Variants in TCN2 observed in about 807,000 individuals in gnomAD.
TCN2 encodes transcobalamin 2.
Under a neutral mutation model 48.6 loss-of-function variants are expected in TCN2, and 34 were observed. The observed-to-expected ratio is 0.70, with a 90% confidence interval of 0.53 to 0.93. The LOEUF is 0.93. Ranked by LOEUF, TCN2 falls within the 40% of genes least tolerant of loss-of-function variation. TCN2 has a pLI of 0.00. For missense variants in TCN2, 652 were observed against 526.1 expected (o/e 1.24, Z -2.34); for synonymous variants, 283 against 212.5 (o/e 1.33, Z -2.89).
chr22:30,611,349 G>C (rs961078094), intron 2 of TCN2, among the ~76,000 whole-genome samples: 2 of 152,174 alleles, frequency 1.3e-5, no homozygotes, highest in Admixed American at 6.5e-5. Flanking sequence ...AGCAGCATCT[G>C]ACTCTATGCT....
intron 7 of TCN2, among the ~76,000 whole-genome samples, 174 bp from the exon 8 acceptor site, chr22:30,622,794 G>A (rs1336870680): frequency 6.6e-6 from 1 of 152,166 alleles, no homozygotes; most frequent in East Asian, 1.9e-4. Flanking sequence ...GGGTCTGGAG[G>A]GGAAGGAGGT....
rs371761297 is a variant in TCN2 at position 30,614,334 on chromosome 22, T to G, written c.428-15T>G. On this transcript the variant is annotated splice_polypyrimidine_tract_variant and intron_variant, in intron 3 of 8. Coordinates refer to ENST00000215838, the MANE Select transcript of TCN2 (RefSeq NM_000355.4). ...GGGGGCAGAGAGGCAACCCCTCTGT[T>G]TTTTTCCCTCTCAGGGCATGATCAC... 2 of 1,613,956 alleles carry G rather than the reference T, an allele frequency of 1.2e-6. No individual in the cohort carries two copies. Among genetic ancestry groups the G allele is most frequent in the East Asian group, 4.5e-5 (2 of 44,858 alleles).
Position 30,615,308 on chromosome 22 carries a change from A to G in TCN2, c.588A>G (p.Ala196=), listed in dbSNP as rs2087595654. ...TCTGTCCCCCACTTCAAGACACAGCAGCCATGGCAGGCTTGGCATTCACCT... is the reference window on the plus strand; with the variant it reads ...TCTGTCCCCCACTTCAAGACACAGCGGCCATGGCAGGCTTGGCATTCACCT... ...FHQGHHSVDT[A]AMAGLAFTCL... The change falls in exon 5 of 9, where the codon GCA becomes GCG. Residue 196 remains alanine, a synonymous_variant. Coordinates refer to ENST00000215838, the MANE Select transcript of TCN2 (RefSeq NM_000355.4). 3 of 1,614,194 alleles carry G rather than the reference A, an allele frequency of 1.9e-6. No individual in the cohort carries two copies. Among genetic ancestry groups the G allele is most frequent in the South Asian group, 1.1e-5 (1 of 91,084 alleles).
At position 30,612,925 on chromosome 22, in the gene TCN2, C is replaced by T; in HGVS notation, c.310C>T (p.Gln104Ter). The change falls in exon 3 of 9, where the codon CAG (glutamine) becomes TAG (stop). Residue 104 changes from glutamine to a stop codon, truncating the protein, a stop_gained. Transcript: ENST00000215838. LOFTEE classifies it high-confidence loss of function. The part of the protein sequence containing the change: ...GDCQGKPSMG[Q>*]LALYLLALRA... The stretch of plus-strand genomic sequence containing the variant: ...CTGCCAGGGCAAGCCTTCCATGGGC[C>T]AGCTGGCCCTCTACCTGCTCGCTCT... 2 of 1,614,162 alleles carry T rather than the reference C, an allele frequency of 1.2e-6. No individual in the cohort carries two copies. The highest frequency in any genetic ancestry group is 1.7e-6 in the Non-Finnish European group (2 of 1,180,030).
rs759762355 is a variant in TCN2, at chr22:30,615,373, G to A, written c.653G>A (p.Arg218Gln). 4.5e-5 allele frequency: 73 copies of A among 1,614,046 alleles called. No individual in the cohort carries two copies. Among genetic ancestry groups the A allele is most frequent in the Middle Eastern group, 1.6e-4 (1 of 6,084 alleles). ...RSNFNPGRRQ[R>Q]ITMAIRTVRE... ...AACTTCAACCCTGGTCGGAGACAAC[G>A]GATCACCATGGCCATCAGAACAGTG... Residue 218 changes from arginine (R) to glutamine (Q), a missense_variant, in exon 5 of 9, where the codon CGG (arginine) becomes CAG (glutamine). Transcript: ENST00000215838.
Position 30,626,413 on chromosome 22 carries a change from C to T in TCN2, c.1223-47C>T, listed in dbSNP as rs370326675. ...GTCTGGAAGATGAGGTTGCGGGGTG[C>T]GATATTCTGCCCAATTCGCCCCTCC... On this transcript the variant is annotated intron_variant, in intron 8 of 8. Transcript: ENST00000215838. The T allele has an allele frequency of 4.9e-5, 78 of 1,599,296 alleles. 1 individual carries two copies. Among genetic ancestry groups the T allele is most frequent in the South Asian group, 4.6e-4 (42 of 90,648 alleles).
rs1440522853 is a variant in TCN2 at position 30,626,889 on chromosome 22, C to T, written c.*368C>T. 3 of 369,020 alleles carry T rather than the reference C, an allele frequency of 8.1e-6. No individual in the cohort carries two copies. Among genetic ancestry groups the T allele is most frequent in the Non-Finnish European group, 1.6e-5 (3 of 192,210 alleles). 22.9% of individuals were successfully genotyped at this position (369,020 alleles called of 1,614,324 possible). Reference sequence around the variant, plus strand: ...GACCACTCGTTCTGTGGTTGGGGTCCTGCAAGAAGGCCTCCTCAGCCCGGG... The same window carrying T: ...GACCACTCGTTCTGTGGTTGGGGTCTTGCAAGAAGGCCTCCTCAGCCCGGG... On this transcript the variant is annotated 3_prime_UTR_variant, in exon 9 of 9. Coordinates refer to ENST00000215838, the MANE Select transcript of TCN2 (RefSeq NM_000355.4).
chr22:30,617,521 A>T (rs758419174), intron 7 of TCN2, 26 bp downstream of exon 7: 2 of 1,613,746 alleles, frequency 1.2e-6, no homozygotes, highest in South Asian at 2.2e-5. Flanking sequence ...CCCAGTCCTC[A>T]CCCCACCCAA....
intron 7 of TCN2, among the ~76,000 whole-genome samples, chr22:30,618,642 T>G (rs887731061): frequency 7.9e-5 from 12 of 152,260 alleles, no homozygotes; most frequent in Middle Eastern, 3.4e-3. Flanking sequence ...TGGGCCTCCG[T>G]GCCCGGCCAT....
Position 30,615,711 on chromosome 22 carries a change from G to A in TCN2, c.864G>A (p.Met288Ile). The A allele has an allele frequency of 6.2e-7, 1 of 1,614,222 alleles. No homozygotes were observed. Among genetic ancestry groups the A allele is most frequent in the South Asian group, 1.1e-5 (1 of 91,084 alleles). Residue 288 changes from methionine (M) to isoleucine (I), a missense_variant, in exon 6 of 9, where the codon ATG (methionine) becomes ATA (isoleucine). Transcript: ENST00000215838. Reference protein sequence around the residue: ...LQDGAFQNALMISQLLPVLNH... With the variant: ...LQDGAFQNALIISQLLPVLNH... The stretch of plus-strand genomic sequence containing the variant: ...ATGGAGCCTTCCAGAATGCTCTCAT[G>A]ATTTCCCAGCTGCTGCCCGTTCTGA...
intron 8 of TCN2, among the ~76,000 whole-genome samples, chr22:30,623,893 T>C (rs866380939): frequency 1.1e-4 from 3 of 26,602 alleles, no homozygotes; most frequent in African/African-American, 4.6e-4. Flanking sequence ...TACACACATA[T>C]ATATGTATAC....
chr22:30,624,061 C>CATATAT (rs754547042), intron 8 of TCN2, among the ~76,000 whole-genome samples: 1 of 14,004 alleles, frequency 7.1e-5, no homozygotes. Flanking sequence ...CACACACACA[C>CATATAT]ATATATATAT....
intron 8 of TCN2, 92 bp from the exon 9 acceptor site, chr22:30,626,368 C>CTCTA: frequency 7.2e-7 from 1 of 1,380,660 alleles, no homozygotes; most frequent in Non-Finnish European, 1.0e-6. Flanking sequence ...TTCTTACAGA[C>CTCTA]TCTAGCCTCA....
chr22:30,623,641 T>C (rs1376366503), intron 8 of TCN2, among the ~76,000 whole-genome samples: 2 of 151,174 alleles, frequency 1.3e-5, no homozygotes, highest in Admixed American at 1.3e-4. Context: ...CAGTGGAAAT[T>C]TAATGTTGCC....
intron 1 of TCN2, 124 bp from the exon 2 acceptor site, chr22:30,610,747 T>C: frequency 1.1e-6 from 1 of 940,098 alleles, no homozygotes; most frequent in Non-Finnish European, 1.7e-6. Flanking sequence ...TGCAAGTTGG[T>C]GTGTGCTGGG....
intron 7 of TCN2, chr22:30,617,732 A>G (rs1269867792): frequency 1.8e-6 from 1 of 553,106 alleles, no homozygotes; most frequent in Non-Finnish European, 3.2e-6. Flanking sequence ...TTGGAATCCC[A>G]ACTCTAACCA....
At chr22:30,616,101 T>C (rs757040246) in intron 6 of TCN2, among the ~76,000 whole-genome samples, 2 of 152,058 alleles carry the variant, frequency 1.3e-5, no homozygotes, top group African/African-American at 2.4e-5. Context: ...TGGTTAACTC[T>C]AATACAACAT....
intron 8 of TCN2, among the ~76,000 whole-genome samples, chr22:30,624,435 C>G (rs2087772809): frequency 6.6e-6 from 1 of 152,036 alleles, no homozygotes; most frequent in Non-Finnish European, 1.5e-5. Context: ...CTTTGATACT[C>G]CACCCCTGAA....
Position 30,610,981 on chromosome 22 carries a change from C to T in TCN2, c.175C>T (p.Arg59Cys), listed in dbSNP as rs757905563. ...GAACCCCAGCATCTATGTGGGCCTA[C>T]GCCTCTCCAGTCTGCAGGCTGGGAC... Reference protein sequence around the residue: ...HLNPSIYVGLRLSSLQAGTKE... With the variant: ...HLNPSIYVGLCLSSLQAGTKE... Residue 59 changes from arginine (R) to cysteine (C), a missense_variant, in exon 2 of 9, where the codon CGC (arginine) becomes TGC (cysteine). Transcript: ENST00000215838. 3.0e-5 allele frequency: 48 copies of T among 1,614,108 alleles called. No individual in the cohort carries two copies. The highest frequency in any genetic ancestry group is 3.3e-5 in the South Asian group (3 of 91,088).
Sources: allele counts gnomAD v4.1 joint callset (sites outside exome capture counted in the v4.1 genomes callset), GRCh38; gene constraint gnomAD v4.1.1; transcripts MANE v1.5; gene names NCBI Gene and HGNC (gene_info 2026-07-23, HGNC 2026-07-21).